The following PRKCE variants were observed in gnomAD, a reference collection of about 807,000 sequenced individuals.
The protein encoded by PRKCE is protein kinase C epsilon.
Under a neutral mutation model 85.4 loss-of-function variants are expected in PRKCE, and 16 were observed. The observed-to-expected ratio is 0.19, with a 90% CI of 0.13 to 0.28. The LOEUF (loss-of-function observed/expected upper bound fraction) is 0.28, where lower values mean the gene tolerates loss of function less well. Ranked by LOEUF, PRKCE falls within the 10% of genes least tolerant of loss-of-function variation. PRKCE has a pLI of 1.00. For synonymous variants in PRKCE, 388 were observed against 371.5 expected, an observed-to-expected ratio of 1.04 and a Z score of -0.51; for missense variants, 573 against 975.2, an observed-to-expected ratio of 0.59 and a Z score of 5.49.
At chr2:46,044,211 T>A (rs555854609) in intron 10 of PRKCE, among the ~76,000 whole-genome samples, 6 of 152,342 alleles carry the variant, frequency 3.9e-5, no homozygotes, top group African/African-American at 1.4e-4. Flanking sequence ...GGGTACAGAA[T>A]GTTTGTTGAA....
At chr2:45,735,535 A>C (rs1283536651) in intron 1 of PRKCE, among the ~76,000 whole-genome samples, 1 of 152,204 alleles carries the variant, frequency 6.6e-6, no homozygotes, top group African/African-American at 2.4e-5. Context: ...GGTAGCATTC[A>C]CCTCATAGCA....
At chr2:45,737,001 A>T (rs1682123599) in intron 1 of PRKCE, among the ~76,000 whole-genome samples, 2 of 152,118 alleles carry the variant, frequency 1.3e-5, no homozygotes, top group Admixed American at 6.5e-5. Flanking sequence ...GCTGAAAGGG[A>T]GCTGCCGCCT....
chr2:45,969,944 T>A (rs1215592936), intron 2 of PRKCE, among the ~76,000 whole-genome samples: 2 of 152,220 alleles, frequency 1.3e-5, no homozygotes, highest in African/African-American at 4.8e-5. Context: ...ATCAGACCAT[T>A]GGCCTAATAG....
intron 1 of PRKCE, among the ~76,000 whole-genome samples, chr2:45,659,615 C>T (rs1675541011): frequency 6.6e-6 from 1 of 152,148 alleles, no homozygotes; most frequent in Admixed American, 6.5e-5. Context: ...CTGTTCATTC[C>T]TCTCTAGCTA....
At chr2:46,170,823 T>G (rs1025626267) in intron 14 of PRKCE, among the ~76,000 whole-genome samples, 3 of 152,176 alleles carry the variant, frequency 2.0e-5, no homozygotes, top group Non-Finnish European at 4.4e-5. Context: ...CAATAATAAA[T>G]CCTGGGCCAA....
intron 2 of PRKCE, among the ~76,000 whole-genome samples, chr2:45,849,268 C>A (rs771413325): frequency 6.6e-6 from 1 of 152,280 alleles, no homozygotes; most frequent in South Asian, 2.1e-4. Flanking sequence ...TTGGTCAAGT[C>A]TGGGACACTG....
chr2:45,711,128 G>C (rs1407364212), intron 1 of PRKCE, among the ~76,000 whole-genome samples: 2 of 152,204 alleles, frequency 1.3e-5, no homozygotes, highest in Non-Finnish European at 2.9e-5. Context: ...AGATTAACGT[G>C]CAACTCAACC....
intron 14 of PRKCE, among the ~76,000 whole-genome samples, chr2:46,165,312 G>A (rs2104616511): frequency 6.6e-6 from 1 of 152,324 alleles, no homozygotes; most frequent in East Asian, 1.9e-4. Context: ...AATGAACTGA[G>A]TTTGTGCAAG....
chr2:45,756,422 A>T lies in PRKCE; in HGVS notation c.349-86578A>T, dbSNP rs190750905. 5.9e-5 allele frequency among the ~76,000 whole-genome samples: 9 copies of T among 152,344 alleles called. No individual in the cohort carries two copies. In the East Asian group the frequency reaches 1.7e-3, roughly 29 times the overall value. ...GTTTGATCGTATAGTCTCTCTGGAAAACATTTTGCAAGTTTCTTAAAAAGT... is the reference window on the plus strand; with the variant it reads ...GTTTGATCGTATAGTCTCTCTGGAATACATTTTGCAAGTTTCTTAAAAAGT... On this transcript the variant is annotated intron_variant, in intron 1 of 14. Transcript: ENST00000306156.
intron 10 of PRKCE, among the ~76,000 whole-genome samples, chr2:46,033,991 C>T (rs1707703016): frequency 6.6e-6 from 1 of 152,222 alleles, no homozygotes. Context: ...AAGCCGTAGG[C>T]TTTCTAATGT....
At chr2:45,821,342 C>T (rs1689514271) in intron 1 of PRKCE, among the ~76,000 whole-genome samples, 1 of 152,148 alleles carries the variant, frequency 6.6e-6, no homozygotes, top group Admixed American at 6.5e-5. Flanking sequence ...TGGACACAAG[C>T]AACAAATGTG....
At chr2:45,704,482 T>G (rs754421610) in intron 1 of PRKCE, among the ~76,000 whole-genome samples, 3 of 152,218 alleles carry the variant, frequency 2.0e-5, no homozygotes, top group Non-Finnish European at 4.4e-5. Context: ...GTGATTTTCC[T>G]GTATGAAATG....
intron 2 of PRKCE, among the ~76,000 whole-genome samples, chr2:45,926,006 A>C (rs903772058): frequency 6.6e-6 from 1 of 152,244 alleles, no homozygotes; most frequent in African/African-American, 2.4e-5. Context: ...AGTGGGGCTG[A>C]ATATTCGAAG....
intron 2 of PRKCE, among the ~76,000 whole-genome samples, chr2:45,898,378 C>T (rs188842741): frequency 2.0e-5 from 3 of 152,286 alleles, no homozygotes; most frequent in East Asian, 3.9e-4. Context: ...TGGAAGCTGT[C>T]TGTCTTCTCA....
At chr2:46,098,409 T>C (rs1160098291) in intron 11 of PRKCE, among the ~76,000 whole-genome samples, 9 of 152,236 alleles carry the variant, frequency 5.9e-5, no homozygotes, top group Admixed American at 2.6e-4. Flanking sequence ...TACAGAGTAA[T>C]TGCTCACTAA....
chr2:46,019,130 G>T (rs1706420879), intron 10 of PRKCE, among the ~76,000 whole-genome samples: 1 of 152,208 alleles, frequency 6.6e-6, no homozygotes, highest in Non-Finnish European at 1.5e-5. Flanking sequence ...TATACAGCAG[G>T]TCTTTGAATA....
At chr2:45,746,657 C>T (rs942369615) in intron 1 of PRKCE, among the ~76,000 whole-genome samples, 6 of 152,254 alleles carry the variant, frequency 3.9e-5, no homozygotes, top group South Asian at 2.1e-4. Context: ...TAATATTCTC[C>T]GTATTTTCAG....
intron 2 of PRKCE, among the ~76,000 whole-genome samples, chr2:45,892,959 T>C (rs1695847167): frequency 6.6e-6 from 1 of 152,174 alleles, no homozygotes; most frequent in Non-Finnish European, 1.5e-5. Context: ...GCTCAGGGAA[T>C]TCACCGTGAA....
chr2:45,889,515 A>G (rs1309107147), intron 2 of PRKCE, among the ~76,000 whole-genome samples: 2 of 150,958 alleles, frequency 1.3e-5, no homozygotes, highest in Non-Finnish European at 2.9e-5. Context: ...TTCTCAGGCA[A>G]ATCCTTTTTG....
Sources: gnomAD v4.1 joint callset for allele counts (sites outside exome capture counted in the v4.1 genomes callset) on GRCh38, gnomAD v4.1.1 for gene constraint, MANE v1.5 for transcripts, NCBI Gene and HGNC (gene_info 2026-07-23, HGNC 2026-07-21) for gene names.